Variants in RERE observed in about 807,000 individuals in gnomAD.
RERE encodes the protein arginine-glutamic acid dipeptide repeats.
RERE carries 40 observed loss-of-function variants against 146.1 expected under a neutral mutation model. The ratio of observed to expected loss-of-function variants is 0.27; its 90% CI spans 0.21 to 0.36. RERE has a LOEUF of 0.36. RERE is among the 10% of genes least tolerant of loss of function. The pLI is 1.00. For missense variants in RERE, 1,933 were observed against 2,138.7 expected, an observed-to-expected ratio of 0.90 and a Z score of 1.90; for synonymous variants, 1,003 against 866.0, an observed-to-expected ratio of 1.16 and a Z score of -2.78.
chr1:8,516,558 C>A (rs1339377940), intron 7 of RERE, among the ~76,000 whole-genome samples: 2 of 152,110 alleles, frequency 1.3e-5, no homozygotes, highest in Non-Finnish European at 2.9e-5. Flanking sequence ...GGTCAGGTCA[C>A]TGAAGCCAAG....
intron 12 of RERE, among the ~76,000 whole-genome samples, chr1:8,376,516 G>A (rs1373954245): frequency 6.6e-6 from 1 of 152,190 alleles, no homozygotes; most frequent in Non-Finnish European, 1.5e-5. Flanking sequence ...ATGACGACAT[G>A]AGACAGACGC....
chr1:8,359,191 T>C lies in RERE; in HGVS notation c.3619-275A>G, dbSNP rs139616487. Among the ~76,000 whole-genome samples, 586 of 152,198 alleles carry C rather than the reference T, an allele frequency of 3.9e-3. 6 individuals are homozygous for C. Among genetic ancestry groups the C allele is most frequent in the African/African-American group, 0.013 (560 of 41,532 alleles). ...TGCATGGGTTGTCTACGTGTGAGGGTTGTGTCTGGGAGTGACAGCTGGGGG... is the reference window on the plus strand; with the variant it reads ...TGCATGGGTTGTCTACGTGTGAGGGCTGTGTCTGGGAGTGACAGCTGGGGG... On this transcript the variant is annotated intron_variant, in intron 19 of 22. Transcript: ENST00000400908.
chr1:8,722,125 C>A (rs1639876211), intron 1 of RERE, among the ~76,000 whole-genome samples: 2 of 152,254 alleles, frequency 1.3e-5, no homozygotes, highest in Admixed American at 1.3e-4. Flanking sequence ...TAAGGTATTG[C>A]CCAATTCTAG....
intron 8 of RERE, among the ~76,000 whole-genome samples, chr1:8,498,965 T>TA (rs1383557049): frequency 6.6e-6 from 1 of 151,984 alleles, no homozygotes; most frequent in African/African-American, 2.4e-5. Context: ...TATACCTCAA[T>TA]AAAAAGAATT....
chr1:8,394,577 TAAGAA>T (rs1384667627), intron 12 of RERE, among the ~76,000 whole-genome samples: 1 of 152,102 alleles, frequency 6.6e-6, no homozygotes, highest in East Asian at 1.9e-4. Flanking sequence ...TAATTTAACT[TAAGAA>T]AGGAGCTACT....
Position 8,422,784 on chromosome 1 carries a change from C to T in RERE, c.1227G>A (p.Arg409=), listed in dbSNP as rs149603919. Residue 409 remains arginine (R), a synonymous_variant, in exon 12 of 23, where the codon AGG becomes AGA. Transcript: ENST00000400908. ...TTCTGAAGAAGTTCTTCCCGTACTG[C>T]CTGAGTCCCTTAACGAAGCGTTTCT... ...DEVKRFVKGL[R]QYGKNFFRIR... The T allele has an allele frequency of 9.9e-6, 16 of 1,613,852 alleles. No homozygotes were observed. The highest frequency in any genetic ancestry group is 1.4e-5 in the Non-Finnish European group (16 of 1,179,788).
intron 10 of RERE, among the ~76,000 whole-genome samples, chr1:8,485,084 G>A (rs138715507): frequency 7.2e-5 from 11 of 152,204 alleles, no homozygotes; most frequent in East Asian, 1.9e-4. Context: ...AATGTGGGCC[G>A]GATCCGGTGG....
intron 6 of RERE, among the ~76,000 whole-genome samples, chr1:8,554,993 C>G (rs1645988824): frequency 6.6e-6 from 1 of 152,204 alleles, no homozygotes; most frequent in Non-Finnish European, 1.5e-5. Context: ...CTTGGAAAGC[C>G]AATCTTAAAA....
intron 4 of RERE, among the ~76,000 whole-genome samples, chr1:8,612,915 G>T (rs750242049): frequency 6.6e-6 from 1 of 152,184 alleles, no homozygotes; most frequent in Admixed American, 6.5e-5. Flanking sequence ...GTCTTCCACT[G>T]TAAGACAGAG....
chr1:8,551,994 A>G (rs1645941408), intron 6 of RERE, among the ~76,000 whole-genome samples: 1 of 152,238 alleles, frequency 6.6e-6, no homozygotes, highest in African/African-American at 2.4e-5. Context: ...TAAGATCAGC[A>G]GCTGTAGAAA....
chr1:8,438,104 C>A (rs1266320944), intron 11 of RERE, among the ~76,000 whole-genome samples: 1 of 152,178 alleles, frequency 6.6e-6, no homozygotes, highest in Non-Finnish European at 1.5e-5. Flanking sequence ...GCTCGGCCTC[C>A]CAAGTAGGTC....
In RERE at chr1:8,421,534, T is replaced by C. The variant is rs993188261; in HGVS notation, c.1284+1193A>G. Among the ~76,000 whole-genome samples, 5 of 152,202 alleles carry C rather than the reference T, an allele frequency of 3.3e-5. No individual in the cohort carries two copies. The South Asian group carries it at 6.2e-4, about 19-fold the overall frequency. ...TGAGATGCGTAATACTTAAATTTAA[T>C]TGTCATTGACTGATGCAAATCATCC... On this transcript the variant is annotated intron_variant, in intron 12 of 22. Coordinates refer to ENST00000400908, the MANE Select transcript of RERE (RefSeq NM_001042681.2).
At chr1:8,712,641 C>T (rs962099805) in intron 1 of RERE, among the ~76,000 whole-genome samples, 4 of 152,146 alleles carry the variant, frequency 2.6e-5, no homozygotes, top group South Asian at 2.1e-4. Context: ...CAAACAGAGA[C>T]GCATTAAAAG....
At chr1:8,770,994 A>G (rs1640938376) in intron 1 of RERE, among the ~76,000 whole-genome samples, 1 of 152,142 alleles carries the variant, frequency 6.6e-6, no homozygotes, top group Non-Finnish European at 1.5e-5. Context: ...AATGTTCATG[A>G]TTTGTGGTTA....
intron 4 of RERE, among the ~76,000 whole-genome samples, chr1:8,605,318 G>A (rs1646689755): frequency 6.6e-6 from 1 of 152,076 alleles, no homozygotes; most frequent in African/African-American, 2.4e-5. Context: ...ATTTTTAGTA[G>A]AGATGAGGTT....
At chr1:8,359,572 G>A (rs770151221) in intron 19 of RERE, among the ~76,000 whole-genome samples, 192 bp downstream of exon 19, 16 of 152,334 alleles carry the variant, frequency 1.1e-4, no homozygotes, top group Middle Eastern at 3.4e-3. Flanking sequence ...CCTGCCATGC[G>A]CAGTTACCCC....
chr1:8,372,276 T>G (rs941337642), intron 12 of RERE, among the ~76,000 whole-genome samples: 1 of 152,164 alleles, frequency 6.6e-6, no homozygotes, highest in Non-Finnish European at 1.5e-5. Context: ...GAAGCTGACA[T>G]GGAGGCAGGA....
chr1:8,374,205 C>T (rs1464540557), intron 12 of RERE, among the ~76,000 whole-genome samples: 1 of 152,174 alleles, frequency 6.6e-6, no homozygotes, highest in Admixed American at 6.5e-5. Context: ...CCCTCGGTGC[C>T]ACCTCCAGAT....
chr1:8,647,678 T>TGTGTGTGTGTCC (rs1491129513), intron 2 of RERE, among the ~76,000 whole-genome samples: 2 of 150,218 alleles, frequency 1.3e-5, no homozygotes, highest in African/African-American at 2.5e-5. Flanking sequence ...TGTGTGTGTG[T>TGTGTGTGTGTCC]CCCCTGGAAC....
Sources: gnomAD v4.1 joint callset for allele counts (sites outside exome capture counted in the v4.1 genomes callset) on GRCh38, gnomAD v4.1.1 for gene constraint, MANE v1.5 for transcripts, NCBI Gene and HGNC (gene_info 2026-07-23, HGNC 2026-07-21) for gene names.